Variants in C19orf18 observed in about 807,000 individuals in gnomAD.
The protein encoded by C19orf18 is chromosome 19 open reading frame 18.
Under a neutral mutation model 23.3 loss-of-function variants are expected in C19orf18, and 21 were observed. That is an observed-to-expected ratio of 0.90 (90% CI 0.64 to 1.30). The LOEUF (loss-of-function observed/expected upper bound fraction) is 1.30. Ranked by LOEUF, C19orf18 falls within the 50% of genes most tolerant of loss-of-function variation. The pLI is 0.00. For missense variants in C19orf18, 249 were observed against 259.6 expected, an observed-to-expected ratio of 0.96 and a Z score of 0.28; for synonymous variants, 96 against 95.2, an observed-to-expected ratio of 1.01 and a Z score of -0.05.
At chr19:57,974,227 T>C (rs1388092346) in intron 1 of C19orf18, 24 bp from the exon 2 acceptor site, 3 of 1,613,630 alleles carry the variant, frequency 1.9e-6, no homozygotes, top group Admixed American at 3.3e-5. Context: ...CTTTTTGCGG[T>C]GAAATGTAAT....
At chr19:57,961,619 C>A in intron 4 of C19orf18, 68 bp from the exon 5 acceptor site, 2 of 1,561,250 alleles carry the variant, frequency 1.3e-6, no homozygotes, top group Non-Finnish European at 8.7e-7. Context: ...CTCAACCATG[C>A]CACTTTTTGA....
chr19:57,973,754 T>C (rs184474956), intron 2 of C19orf18, among the ~76,000 whole-genome samples: 23 of 151,706 alleles, frequency 1.5e-4, no homozygotes, highest in Admixed American at 1.5e-3. Context: ...AAAAGAATTC[T>C]GTACACTCAC....
intron 5 of C19orf18, 90 bp from the exon 6 acceptor site, chr19:57,958,807 A>G: frequency 1.5e-6 from 1 of 657,376 alleles, no homozygotes; most frequent in East Asian, 3.0e-5. Context: ...CTGGAAAAAT[A>G]GAGGTACCAA....
At chr19:57,958,757 G>A (rs1308853378) in intron 5 of C19orf18, 40 bp from the exon 6 acceptor site, 4 of 1,207,320 alleles carry the variant, frequency 3.3e-6, no homozygotes, top group Non-Finnish European at 3.5e-6. Flanking sequence ...AGTAATAAGT[G>A]AGGAATAAAA....
chr19:57,966,800 C>T (rs1008225713), intron 3 of C19orf18, among the ~76,000 whole-genome samples, 168 bp from the exon 4 acceptor site: 6 of 152,058 alleles, frequency 3.9e-5, no homozygotes, highest in Non-Finnish European at 8.8e-5. Flanking sequence ...GACACTGAGT[C>T]TCGCTCTATC....
chr19:57,958,509 G>T lies in C19orf18; in HGVS notation c.*93C>A. On this transcript the variant is annotated 3_prime_UTR_variant, in exon 6 of 6. Transcript: ENST00000314391. ...CTTTCTTTGATGTCCTCTTCCATAA[G>T]GTTCTCTGGGAGCAAGCCACGCCCA... 1 of 779,194 alleles carries T rather than the reference G, an allele frequency of 1.3e-6. No homozygotes were observed. The allele number at this position is 779,194 out of a possible 1,614,324, so 48.3% of individuals were successfully genotyped here.
chr19:57,962,159 T>C (rs1024991685), intron 4 of C19orf18, among the ~76,000 whole-genome samples: 14 of 151,958 alleles, frequency 9.2e-5, no homozygotes, highest in Non-Finnish European at 1.6e-4. Flanking sequence ...GCCTCCTAAG[T>C]AGCTGGGACC....
chr19:57,958,839 C>A, intron 5 of C19orf18, 122 bp from the exon 6 acceptor site: 2 of 537,466 alleles, frequency 3.7e-6, no homozygotes, highest in East Asian at 3.3e-5. Flanking sequence ...TCAGAGGATT[C>A]ATAATGAATG....
rs1021562786 is a variant in C19orf18, at chr19:57,958,606, A to G, written c.644T>C (p.Leu215Ser). Residue 215 changes from leucine to serine, a missense_variant, in exon 6 of 6, where the codon TTG (leucine) becomes TCG (serine). Leu to Ser is a moderately radical substitution (Grantham distance 145). Transcript: ENST00000314391. ...NASHNGKMED[L>S] ...CGGCACCTCTGTCGTCTGCGTTCACAAGTCTTCCATTTTTCCATTATGTGA... is the reference window on the plus strand; with the variant it reads ...CGGCACCTCTGTCGTCTGCGTTCACGAGTCTTCCATTTTTCCATTATGTGA... 6.3e-7 allele frequency: 1 copy of G among 1,596,116 alleles called. No individual in the cohort carries two copies. Among genetic ancestry groups the G allele is most frequent in the Non-Finnish European group, 8.6e-7 (1 of 1,168,732 alleles).
chr19:57,974,153 A>T lies in C19orf18; in HGVS notation c.172T>A (p.Phe58Ile), dbSNP rs764502441. 1 of 1,613,930 alleles carries T rather than the reference A, an allele frequency of 6.2e-7. No homozygotes were observed. Among genetic ancestry groups the T allele is most frequent in the South Asian group, 1.1e-5 (1 of 91,048 alleles). The change falls in exon 2 of 6, where the codon TTC (phenylalanine) becomes ATC (isoleucine). Residue 58 changes from phenylalanine to isoleucine, a missense_variant. Phe to Ile is a conservative substitution (Grantham distance 21). Transcript: ENST00000314391. ...PRNITKEPKV[F>I]FHKTQLPGIQ... ...CCAGGCAACTGGGTTTTATGAAAGA[A>T]CACTTTGGGCTCTTTGGTGATGTTT... is the stretch of plus-strand genomic sequence containing the variant.
Position 57,972,454 on chromosome 19 carries a change from T to C in C19orf18, c.268+9A>G, listed in dbSNP as rs2072951546. On this transcript the variant is annotated intron_variant, in intron 3 of 5. Coordinates refer to ENST00000314391, the MANE Select transcript of C19orf18 (RefSeq NM_152474.5). Reference sequence around the variant, plus strand: ...GGGTCCACCCGCCCTCCCAGATCCCTTGGCTTACCTTTATTCCTCAGGAAT... The same window carrying C: ...GGGTCCACCCGCCCTCCCAGATCCCCTGGCTTACCTTTATTCCTCAGGAAT... 6.2e-7 allele frequency: 1 copy of C among 1,613,414 alleles called. No individual in the cohort carries two copies. The highest frequency in any genetic ancestry group is 1.7e-5 in the Admixed American group (1 of 60,022).
rs61625681 is a variant in C19orf18, at chr19:57,973,145, CAAAAAAAAAAAAAAAAAAAAAA to C, written c.227-663_227-642del. On this transcript the variant is annotated intron_variant, in intron 2 of 5. Coordinates refer to ENST00000314391, the MANE Select transcript of C19orf18 (RefSeq NM_152474.5). ...TGGGTGACAGAGTGAGACTCCGTCT[CAAAAAAAAAAAAAAAAAAAAAA>C]AAAAAAAAAAAAAAAAAAGGATCAG... Among the ~76,000 whole-genome samples the C allele has an allele frequency of 2.3e-3, 55 of 24,186 alleles. 1 individual carries two copies. The highest frequency in any genetic ancestry group is 8.4e-3 in the South Asian group (3 of 356). 15.9% of individuals were successfully genotyped at this position (24,186 alleles called of 152,430 possible).
At chr19:57,962,219 T>TA (rs1306987896) in intron 4 of C19orf18, among the ~76,000 whole-genome samples, 3 of 151,950 alleles carry the variant, frequency 2.0e-5, no homozygotes, top group Non-Finnish European at 4.4e-5. Context: ...TTTTTTTTTT[T>TA]AGAAATTGCG....
rs922357203 is a variant in C19orf18 at position 57,974,033 on chromosome 19, C to T, written c.226+66G>A. On this transcript the variant is annotated intron_variant, in intron 2 of 5. Transcript: ENST00000314391. The stretch of plus-strand genomic sequence containing the variant: ...CCAGCAAGCACACAGTACACATTCA[C>T]ATGGCAGATAAGAGGACTCCAGGCT... The T allele has an allele frequency of 2.7e-6, 4 of 1,470,226 alleles. No homozygotes were observed. The African/African-American group carries it at 5.6e-5, about 21-fold the overall frequency. The allele number at this position is 1,470,226 out of a possible 1,614,324, so 91.1% of individuals were successfully genotyped here. A position where few individuals can be genotyped will look rare whatever the true frequency, so the allele number is the denominator to read the frequency against.
Position 57,972,602 on chromosome 19 carries a change from G to A in C19orf18, c.227-98C>T, listed in dbSNP as rs149999005. On this transcript the variant is annotated intron_variant, in intron 2 of 5. Coordinates refer to ENST00000314391, the MANE Select transcript of C19orf18 (RefSeq NM_152474.5). Reference sequence around the variant, plus strand: ...AAATAACTTAGCATTAGAGAAGGACGCCGAACACACAGCTTCCAAATATCT... The same window carrying A: ...AAATAACTTAGCATTAGAGAAGGACACCGAACACACAGCTTCCAAATATCT... 5.5e-4 allele frequency: 725 copies of A among 1,312,946 alleles called. 2 individuals are homozygous for A. In the African/African-American group the frequency reaches 7.6e-3, roughly 14 times the overall value. The allele number at this position is 1,312,946 out of a possible 1,614,324, so 81.3% of individuals were successfully genotyped here.
At position 57,967,744 on chromosome 19, in the gene C19orf18, C is replaced by A. The variant is rs560592914; in HGVS notation, c.269-1112G>T. 2.0e-5 allele frequency among the ~76,000 whole-genome samples: 3 copies of A among 150,906 alleles called. No individual in the cohort carries two copies. The South Asian group carries it at 6.3e-4, about 32-fold the overall frequency. Reference sequence around the variant, plus strand: ...TCCAGCCTGGGTGACGGGAATGAAACCCTGTCTTAAAAAAAAAAAACTTTG... The same window carrying A: ...TCCAGCCTGGGTGACGGGAATGAAAACCTGTCTTAAAAAAAAAAAACTTTG... On this transcript the variant is annotated intron_variant, in intron 3 of 5. Transcript: ENST00000314391.
At chr19:57,960,318 C>T (rs80226005) in intron 5 of C19orf18, among the ~76,000 whole-genome samples, 1 of 148,970 alleles carries the variant, frequency 6.7e-6, no homozygotes, top group African/African-American at 2.5e-5. Flanking sequence ...CCCAGCTACT[C>T]GGGAGGCTGA....
chr19:57,969,575 A>AAAAAAAAAAAAAAAAAAAAAAAAAC (rs2072930885), intron 3 of C19orf18, among the ~76,000 whole-genome samples: 1 of 123,878 alleles, frequency 8.1e-6, no homozygotes, highest in African/African-American at 2.6e-5. Flanking sequence ...AGAAAAAAAA[A>AAAAAAAAAAAAAAAAAAAAAAAAAC]AAAAAAAAAA....
intron 5 of C19orf18, among the ~76,000 whole-genome samples, chr19:57,959,565 C>G (rs767340184): frequency 1.3e-5 from 2 of 151,870 alleles, no homozygotes; most frequent in Non-Finnish European, 2.9e-5. Flanking sequence ...GCGGAGGTTA[C>G]AGTGAACCAA....
Sources: allele counts gnomAD v4.1 joint callset (sites outside exome capture counted in the v4.1 genomes callset), GRCh38; gene constraint gnomAD v4.1.1; transcripts MANE v1.5; gene names NCBI Gene and HGNC (gene_info 2026-07-23, HGNC 2026-07-21).